The following GUF1 variants were observed in gnomAD, a reference collection of about 807,000 sequenced individuals.
GUF1 encodes the protein GTP binding elongation factor GUF1.
In GUF1, 78 loss-of-function variants were observed where a neutral mutation model predicts 82.4. The ratio of observed to expected loss-of-function variants is 0.95; its 90% CI spans 0.79 to 1.14. GUF1 has a LOEUF of 1.14. GUF1 is among the 50% of genes most tolerant of loss of function. The pLI, the probability that GUF1 is intolerant of heterozygous loss-of-function variation, is 0.00. For missense variants in GUF1, 814 were observed against 798.2 expected, an observed-to-expected ratio of 1.02 and a Z score of -0.24; for synonymous variants, 279 against 282.3, an observed-to-expected ratio of 0.99 and a Z score of 0.12.
intron 6 of GUF1, among the ~76,000 whole-genome samples, chr4:44,684,896 T>C (rs1714962954): frequency 6.6e-6 from 1 of 152,164 alleles, no homozygotes; most frequent in African/African-American, 2.4e-5. Context: ...AGACCATTTA[T>C]TTGATTTCTT....
At chr4:44,692,947 T>C (rs1715539980) in intron 13 of GUF1, among the ~76,000 whole-genome samples, 1 of 152,042 alleles carries the variant, frequency 6.6e-6, no homozygotes, top group South Asian at 2.1e-4. Context: ...TTCTGAATTA[T>C]AAGTGGTCTT....
At chr4:44,682,295 G>T in intron 4 of GUF1, 39 bp from the exon 5 acceptor site, 1 of 1,128,884 alleles carries the variant, frequency 8.9e-7, no homozygotes, top group Non-Finnish European at 1.2e-6. Flanking sequence ...ATATATAATA[G>T]AATGGTCATC....
chr4:44,686,081 C>A, intron 7 of GUF1, 58 bp downstream of exon 7: 2 of 1,145,288 alleles, frequency 1.7e-6, no homozygotes, highest in Non-Finnish European at 2.6e-6. Flanking sequence ...AAAAACTGTC[C>A]ATGTTTAATA....
intron 15 of GUF1, among the ~76,000 whole-genome samples, chr4:44,696,669 C>G (rs535955262): frequency 6.6e-6 from 1 of 152,166 alleles, no homozygotes; most frequent in African/African-American, 2.4e-5. Context: ...TTTAGGCCCA[C>G]TGTTTGAAAT....
chr4:44,688,180 A>G (rs759410799), intron 9 of GUF1, 34 bp downstream of exon 9: 3 of 1,569,394 alleles, frequency 1.9e-6, no homozygotes, highest in Admixed American at 2.0e-5. Context: ...GTTGAGGGCC[A>G]TGATATTTTT....
chr4:44,683,363 A>G (rs766079467), intron 6 of GUF1, 45 bp downstream of exon 6: 4 of 1,122,202 alleles, frequency 3.6e-6, no homozygotes, highest in Admixed American at 2.6e-5. Flanking sequence ...AAAAGTCTCA[A>G]GTAATTGGGC....
chr4:44,681,752 T>G lies in GUF1; in HGVS notation c.507+549T>G, dbSNP rs189767174. On this transcript the variant is annotated intron_variant, in intron 4 of 16. Coordinates refer to ENST00000281543, the MANE Select transcript of GUF1 (RefSeq NM_021927.3). ...TCTTCATTCAAAACCCAACTTTTTT[T>G]TAGTGGTGGTGGTGACCGTGTTGTG... 6.6e-5 allele frequency among the ~76,000 whole-genome samples: 10 copies of G among 152,172 alleles called. No homozygotes were observed. The East Asian group carries it at 1.9e-3, about 29-fold the overall frequency.
chr4:44,680,384 A>C, intron 1 of GUF1, 57 bp from the exon 2 acceptor site: 1 of 705,412 alleles, frequency 1.4e-6, no homozygotes, highest in South Asian at 1.8e-5. Flanking sequence ...GAATTGGTAT[A>C]CTTGTTTGAT....
intron 9 of GUF1, among the ~76,000 whole-genome samples, chr4:44,688,834 A>C (rs1715232412): frequency 6.6e-6 from 1 of 151,992 alleles, no homozygotes; most frequent in Non-Finnish European, 1.5e-5. Context: ...ACCAAAAAGC[A>C]AAATTTAACT....
chr4:44,688,087 A>G lies in GUF1; in HGVS notation c.1019A>G (p.His340Arg), dbSNP rs1435162034. 3 of 1,612,380 alleles carry G rather than the reference A, an allele frequency of 1.9e-6. No homozygotes were observed. The highest frequency in any genetic ancestry group is 1.3e-5 in the African/African-American group (1 of 74,820). ...CAAATAGGAGATACATTATGTTTAC[A>G]TAAGCAACCAGTGGAGCCCTTGCCT... ...EAQIGDTLCL[H>R]KQPVEPLPGF... Residue 340 changes from histidine to arginine, a missense_variant, in exon 9 of 17, where the codon CAT (histidine) becomes CGT (arginine). Transcript: ENST00000281543.
intron 14 of GUF1, 116 bp downstream of exon 14, chr4:44,694,629 AC>A: frequency 1.6e-6 from 1 of 637,146 alleles, no homozygotes; most frequent in South Asian, 2.0e-5. Context: ...AATAGAGTTC[AC>A]CCTACTAACT....
intron 12 of GUF1, 123 bp downstream of exon 12, chr4:44,690,983 A>G: frequency 3.4e-6 from 2 of 595,668 alleles, no homozygotes; most frequent in Non-Finnish European, 5.7e-6. Flanking sequence ...ATTTTCATAT[A>G]TATATCTGTC....
At chr4:44,688,288 T>G (rs1715194006) in intron 9 of GUF1, 142 bp downstream of exon 9, 1 of 808,412 alleles carries the variant, frequency 1.2e-6, no homozygotes, top group Non-Finnish European at 2.0e-6. Flanking sequence ...TTGTGCTGTT[T>G]ATCAGTTTAT....
At chr4:44,691,879 T>G (rs1234041788) in intron 13 of GUF1, 80 bp downstream of exon 13, 2 of 976,312 alleles carry the variant, frequency 2.0e-6, no homozygotes, top group Non-Finnish European at 3.0e-6. Flanking sequence ...AATTCTTCAT[T>G]TATTTAGTAA....
chr4:44,687,507 A>ATT (rs879655725), intron 8 of GUF1, among the ~76,000 whole-genome samples: 12 of 147,318 alleles, frequency 8.1e-5, no homozygotes, highest in African/African-American at 3.0e-4. Context: ...TTTTGTAGGG[A>ATT]TTTTTTTTTT....
chr4:44,695,139 A>C (rs1052938417), intron 14 of GUF1, among the ~76,000 whole-genome samples: 10 of 152,312 alleles, frequency 6.6e-5, no homozygotes, highest in South Asian at 4.1e-4. Context: ...GAAAACCCCC[A>C]CGTGTTCAAG....
intron 13 of GUF1, 25 bp from the exon 14 acceptor site, chr4:44,694,385 TTA>T: frequency 1.5e-6 from 2 of 1,355,252 alleles, no homozygotes; most frequent in Non-Finnish European, 2.1e-6. Context: ...AGTGTAATAT[TTA>T]TCACTTGGAC....
At chr4:44,686,437 A>G in intron 7 of GUF1, 73 bp from the exon 8 acceptor site, 1 of 914,622 alleles carries the variant, frequency 1.1e-6, no homozygotes, top group Non-Finnish European at 1.6e-6. Flanking sequence ...TACAATATCT[A>G]AGTTGAAAAT....
chr4:44,698,414 A>G (rs1715983280), intron 16 of GUF1, 130 bp from the exon 17 acceptor site: 4 of 659,452 alleles, frequency 6.1e-6, no homozygotes, highest in Non-Finnish European at 7.7e-6. Context: ...TGCTAGGAAG[A>G]TTAGAGAGAT....
Sources: gnomAD v4.1 joint callset for allele counts (sites outside exome capture counted in the v4.1 genomes callset) on GRCh38, gnomAD v4.1.1 for gene constraint, MANE v1.5 for transcripts, NCBI Gene and HGNC (gene_info 2026-07-23, HGNC 2026-07-21) for gene names.